Variants in EEIG1 observed in about 807,000 individuals in gnomAD.
EEIG1 encodes estrogen-induced osteoclastogenesis regulator 1.
At chr9:127,955,120 C>T in the EEIG1 span, among the ~76,000 whole-genome samples, 1 of 152,208 alleles carries the variant, frequency 6.6e-6, no homozygotes, top group South Asian at 2.1e-4. Context: ...ATCTCCAGCT[C>T]ATCCCACCTA....
chr9:127,953,991 C>T, the EEIG1 span: 3 of 1,594,930 alleles, frequency 1.9e-6, no homozygotes, highest in South Asian at 1.1e-5. Flanking sequence ...CCATGTGGTA[C>T]CAGGGACATG....
At chr9:127,943,448 C>T in the EEIG1 span, 1 of 591,614 alleles carries the variant, frequency 1.7e-6, no homozygotes, top group Non-Finnish European at 3.0e-6. Context: ...CTGCAGAGCC[C>T]TTCCGGGCAC....
chr9:127,956,082 G>A, the EEIG1 span, among the ~76,000 whole-genome samples: 1 of 152,218 alleles, frequency 6.6e-6, no homozygotes, highest in Non-Finnish European at 1.5e-5. Flanking sequence ...CTGAAGACGG[G>A]AGGAAGGGAC....
the EEIG1 span, among the ~76,000 whole-genome samples, chr9:127,974,466 G>A: frequency 6.6e-5 from 10 of 152,170 alleles, no homozygotes; most frequent in African/African-American, 2.2e-4. Flanking sequence ...GGCTTATCCC[G>A]ATCTCTTTCC....
the EEIG1 span, chr9:127,944,605 C>T: frequency 1.2e-6 from 2 of 1,608,058 alleles, no homozygotes; most frequent in South Asian, 1.1e-5. Context: ...CCTCCCTAAG[C>T]CTGCCCTACC....
At chr9:127,943,289 G>C in the EEIG1 span, 1 of 1,568,044 alleles carries the variant, frequency 6.4e-7, no homozygotes, top group South Asian at 1.1e-5. Flanking sequence ...CATTTCCTGA[G>C]CGCTCCACTG....
At chr9:127,962,570 G>A in the EEIG1 span, among the ~76,000 whole-genome samples, 1 of 152,198 alleles carries the variant, frequency 6.6e-6, no homozygotes, top group East Asian at 1.9e-4. Context: ...TCCATGGCCT[G>A]TGAGTGCTAA....
At chr9:127,949,175 G>A in the EEIG1 span, among the ~76,000 whole-genome samples, 26 of 151,928 alleles carry the variant, frequency 1.7e-4, no homozygotes, top group Admixed American at 9.8e-4. Context: ...TTAGCCGGGC[G>A]TGGTGGCGGG....
the EEIG1 span, chr9:127,945,777 G>A: frequency 2.7e-6 from 4 of 1,501,930 alleles, no homozygotes; most frequent in Admixed American, 2.0e-5. The surrounding 1 kb of genome is among the most constrained non-coding windows in gnomAD (Gnocchi z 6.5). Flanking sequence ...AGGGGCAGGG[G>A]GTGAGGTGAC....
At chr9:127,977,408 G>A in the EEIG1 span, among the ~76,000 whole-genome samples, 1 of 152,158 alleles carries the variant, frequency 6.6e-6, no homozygotes, top group Non-Finnish European at 1.5e-5. Context: ...AAGGCCAACA[G>A]GTAGGGAGAC....
At chr9:127,949,187 A>G in the EEIG1 span, among the ~76,000 whole-genome samples, 6 of 151,672 alleles carry the variant, frequency 4.0e-5, no homozygotes, top group Non-Finnish European at 8.8e-5. Context: ...GGTGGCGGGC[A>G]CCTGTAGTCC....
the EEIG1 span, among the ~76,000 whole-genome samples, chr9:127,958,390 C>T: frequency 6.6e-6 from 1 of 152,178 alleles, no homozygotes; most frequent in South Asian, 2.1e-4. Context: ...TTTAGTGGGG[C>T]ACAGTGGCTC....
At chr9:127,943,353 T>C in the EEIG1 span, 2 of 995,846 alleles carry the variant, frequency 2.0e-6, no homozygotes, top group Non-Finnish European at 3.2e-6. Flanking sequence ...AGCCCTGTGT[T>C]GCAAAGGGGC....
At chr9:127,945,797 C>CT in the EEIG1 span, 2 of 1,339,174 alleles carry the variant, frequency 1.5e-6, no homozygotes, top group Non-Finnish European at 1.0e-6. The surrounding 1 kb of genome is among the most constrained non-coding windows in gnomAD (Gnocchi z 6.5). Context: ...CAGGGGTCAC[C>CT]CAGTGCTGCT....
At chr9:127,961,414 G>A in the EEIG1 span, among the ~76,000 whole-genome samples, 1 of 152,206 alleles carries the variant, frequency 6.6e-6, no homozygotes, top group African/African-American at 2.4e-5. Flanking sequence ...AGGCAGCCAT[G>A]AGCCCCAGGT....
chr9:127,948,817 T>TG, the EEIG1 span, among the ~76,000 whole-genome samples: 60 of 152,270 alleles, frequency 3.9e-4, no homozygotes, highest in Non-Finnish European at 5.1e-4. Context: ...AGAGGGCTCA[T>TG]GGGGCCTGGC....
At chr9:127,946,762 G>A in the EEIG1 span, among the ~76,000 whole-genome samples, 3 of 152,222 alleles carry the variant, frequency 2.0e-5, no homozygotes. Flanking sequence ...AGGGAGTGGA[G>A]GGAAGCTGGG....
At chr9:127,973,880 C>A in the EEIG1 span, among the ~76,000 whole-genome samples, 2 of 152,270 alleles carry the variant, frequency 1.3e-5, no homozygotes, top group East Asian at 3.9e-4. This position sits in a 1 kb window ranked among gnomAD's most constrained non-coding sequence, Gnocchi z 4.2. Flanking sequence ...AGGCATGCTG[C>A]GGGGTCAGGG....
At chr9:127,971,169 G>T in the EEIG1 span, among the ~76,000 whole-genome samples, 1 of 152,220 alleles carries the variant, frequency 6.6e-6, no homozygotes, top group Non-Finnish European at 1.5e-5. Context: ...CTCTGGGCAG[G>T]GTTAGTCTGT....
Sources: allele counts gnomAD v4.1 joint callset (sites outside exome capture counted in the v4.1 genomes callset), GRCh38; gene constraint gnomAD v4.1.1; non-coding constraint Gnocchi (gnomAD v3.1); transcripts MANE v1.5; gene names NCBI Gene and HGNC (gene_info 2026-07-23, HGNC 2026-07-21).